MEOX1: variants seen among roughly 807,000 people sequenced by gnomAD.
MEOX1 encodes the protein homeobox protein MOX-1.
Under a neutral mutation model 23.2 loss-of-function variants are expected in MEOX1, and 17 were observed. That is an observed-to-expected ratio of 0.73 (90% confidence interval 0.50 to 1.10). The LOEUF (loss-of-function observed/expected upper bound fraction) is 1.10, where lower values mean the gene tolerates loss of function less well. MEOX1 is among the 50% of genes least tolerant of loss of function. The pLI is 0.00. For synonymous variants in MEOX1, 134 were observed against 135.1 expected, an observed-to-expected ratio of 0.99 and a Z score of 0.06; for missense variants, 333 against 332.2, an observed-to-expected ratio of 1.00 and a Z score of -0.02.
At chr17:43,659,558 A>G (rs1235692279) in intron 1 of MEOX1, among the ~76,000 whole-genome samples, 3 of 152,150 alleles carry the variant, frequency 2.0e-5, no homozygotes, top group Admixed American at 6.5e-5. Flanking sequence ...AGGGTGACCA[A>G]TTCTTCTGTT....
chr17:43,642,686 A>G (rs1972718001), intron 2 of MEOX1, among the ~76,000 whole-genome samples: 1 of 151,968 alleles, frequency 6.6e-6, no homozygotes, highest in Admixed American at 6.6e-5. Context: ...GGAAAGTCCA[A>G]AACAAAGGGC....
At chr17:43,658,506 C>CA (rs56142635) in intron 1 of MEOX1, among the ~76,000 whole-genome samples, 38,383 of 108,280 alleles carry the variant, frequency 0.35, 6,150 homozygotes, top group Middle Eastern at 0.54. Flanking sequence ...GACTCCATCT[C>CA]AAAAAAAAAA....
chr17:43,657,055 T>TTTCTTTCTTTCTTTCCTTCC (rs777740594), intron 1 of MEOX1, among the ~76,000 whole-genome samples: 1 of 136,350 alleles, frequency 7.3e-6, no homozygotes, highest in African/African-American at 2.8e-5. Flanking sequence ...TCTTTCTTTC[T>TTTCTTTCTTTCTTTCCTTCC]TTCCTTCCTT....
intron 1 of MEOX1, among the ~76,000 whole-genome samples, chr17:43,655,025 C>T (rs1045414010): frequency 6.6e-6 from 1 of 151,512 alleles, no homozygotes; most frequent in African/African-American, 2.4e-5. Flanking sequence ...GCACTCTAGC[C>T]TGGGTGACAG....
intron 1 of MEOX1, among the ~76,000 whole-genome samples, chr17:43,658,471 C>T (rs1406968794): frequency 6.8e-6 from 1 of 147,640 alleles, no homozygotes; most frequent in Non-Finnish European, 1.5e-5. Context: ...TATGCCACTG[C>T]ACTCCAGCAT....
At chr17:43,657,170 C>CTTTT (rs57432395) in intron 1 of MEOX1, among the ~76,000 whole-genome samples, 12 of 81,706 alleles carry the variant, frequency 1.5e-4, no homozygotes, top group Non-Finnish European at 1.7e-4. Flanking sequence ...TTCTTTCTTT[C>CTTTT]TTTTTTTTTT....
intron 1 of MEOX1, among the ~76,000 whole-genome samples, chr17:43,646,294 C>T (rs1972812921): frequency 6.6e-6 from 1 of 152,136 alleles, no homozygotes; most frequent in African/African-American, 2.4e-5. Context: ...TGGCCGCCGC[C>T]AGCGCCGCGC....
intron 1 of MEOX1, among the ~76,000 whole-genome samples, chr17:43,651,552 G>GA (rs59890466): frequency 0.3 from 45,357 of 150,106 alleles, 8,317 homozygotes; most frequent in African/African-American, 0.52. Context: ...AAACAAGGGG[G>GA]AAAAAAAAAG....
intron 1 of MEOX1, among the ~76,000 whole-genome samples, chr17:43,654,188 G>T (rs564039670): frequency 6.6e-6 from 1 of 152,152 alleles, no homozygotes; most frequent in African/African-American, 2.4e-5. Flanking sequence ...AGGCTGTTAG[G>T]GTGGGTCCCA....
intron 1 of MEOX1, among the ~76,000 whole-genome samples, chr17:43,645,775 C>T (rs550130620): frequency 6.6e-6 from 1 of 152,208 alleles, no homozygotes; most frequent in Non-Finnish European, 1.5e-5. Flanking sequence ...CACTTTGGAG[C>T]TTTGAGCCTA....
rs1973127235 is a variant in MEOX1 at position 43,660,985 on chromosome 17, A to T, written c.469+81T>A. ...GGACTAGACAGAAATTCATGCTCAG[A>T]GCACCTAGGCACAGAGAGGGTGAGT... On this transcript the variant is annotated intron_variant, in intron 1 of 2. Transcript: ENST00000318579. 3.4e-6 allele frequency: 3 copies of T among 876,032 alleles called. No individual in the cohort carries two copies. In the South Asian group the frequency reaches 7.3e-5, roughly 21 times the overall value. 54.3% of individuals were successfully genotyped at this position (876,032 alleles called of 1,614,324 possible).
At chr17:43,656,972 C>T (rs72833181) in intron 1 of MEOX1, among the ~76,000 whole-genome samples, 24,150 of 151,128 alleles carry the variant, frequency 0.16, 2,793 homozygotes, top group African/African-American at 0.32. Context: ...TCTTTCTCCC[C>T]GTTTGTTCAT....
rs769836760 is a variant in MEOX1, at chr17:43,661,467, C to T, written c.68G>A (p.Arg23Gln). Reference protein sequence around the residue: ...QPPAPVWGCLRNPHSEGNGAS... With the variant: ...QPPAPVWGCLQNPHSEGNGAS... ...CCCATTGCCTTCCGAGTGGGGGTTT[C>T]GAAGGCAGCCCCAGACAGGGGCTGG... is the stretch of plus-strand genomic sequence containing the variant. Residue 23 changes from arginine (R) to glutamine (Q), a missense_variant, in exon 1 of 3, where the codon CGA becomes CAA. Arg to Gln is a conservative substitution (Grantham distance 43). Transcript: ENST00000318579. 2.0e-5 allele frequency: 32 copies of T among 1,609,454 alleles called. No individual in the cohort carries two copies. Among genetic ancestry groups the T allele is most frequent in the Non-Finnish European group, 2.5e-5 (30 of 1,178,898 alleles).
rs397701349 is a variant in MEOX1 at position 43,661,671 on chromosome 17, CAA to C, written c.-139_-138del. ...TCAACAGAAAATTTACCCCAGGAAC[CAA>C]AAAAAAAAAAAAACCCAAAACTAAA... On this transcript the variant is annotated 5_prime_UTR_variant, in exon 1 of 3. Coordinates refer to ENST00000318579, the MANE Select transcript of MEOX1 (RefSeq NM_004527.4). 9.3e-3 allele frequency: 3,371 copies of C among 361,604 alleles called. No homozygotes were observed. Among genetic ancestry groups the C allele is most frequent in the South Asian group, 0.019 (172 of 9,028 alleles). 22.4% of individuals were successfully genotyped at this position (361,604 alleles called of 1,614,324 possible). A position where few individuals can be genotyped will look rare whatever the true frequency, so the allele number is the denominator to read the frequency against.
chr17:43,660,953 T>G, intron 1 of MEOX1, 113 bp downstream of exon 1: 5 of 623,148 alleles, frequency 8.0e-6, no homozygotes, highest in Non-Finnish European at 7.9e-6. Context: ...GTCTCCTGCA[T>G]TTGGATGGAC....
chr17:43,654,792 C>T (rs1682636624), intron 1 of MEOX1, among the ~76,000 whole-genome samples: 1 of 152,140 alleles, frequency 6.6e-6, no homozygotes, highest in African/African-American at 2.4e-5. Flanking sequence ...GTGACTCACA[C>T]CTGTAATCCC....
At chr17:43,645,171 C>CTTTTT (rs869205502) in intron 1 of MEOX1, among the ~76,000 whole-genome samples, 19 of 99,776 alleles carry the variant, frequency 1.9e-4, no homozygotes, top group Non-Finnish European at 2.7e-4. Flanking sequence ...CATTAATTAT[C>CTTTTT]TTTTTTTTTT....
chr17:43,657,016 TTCTTTC>T (rs1321982150), intron 1 of MEOX1, among the ~76,000 whole-genome samples: 1 of 107,028 alleles, frequency 9.3e-6, no homozygotes, highest in African/African-American at 3.6e-5. Flanking sequence ...TTCTTTCTCT[TTCTTTC>T]TTTCTTTCTT....
At chr17:43,645,169 A>ATATTT (rs1567742598) in intron 1 of MEOX1, among the ~76,000 whole-genome samples, 4 of 129,710 alleles carry the variant, frequency 3.1e-5, no homozygotes, top group African/African-American at 1.0e-4. Flanking sequence ...TTCATTAATT[A>ATATTT]TCTTTTTTTT....
Sources: gnomAD v4.1 joint callset for allele counts (sites outside exome capture counted in the v4.1 genomes callset) on GRCh38, gnomAD v4.1.1 for gene constraint, MANE v1.5 for transcripts, NCBI Gene and HGNC (gene_info 2026-07-23, HGNC 2026-07-21) for gene names.